GLI1: variants seen among roughly 807,000 people sequenced by gnomAD.
The protein encoded by GLI1 is GLI family zinc finger 1.
In GLI1, 51 loss-of-function variants were observed where a neutral mutation model predicts 87.8. The observed-to-expected ratio is 0.58, with a 90% CI of 0.46 to 0.73. The LOEUF (loss-of-function observed/expected upper bound fraction) is 0.73. Ranked by LOEUF, GLI1 falls within the 30% of genes least tolerant of loss-of-function variation. The probability of loss-of-function intolerance (pLI) is 0.00; values close to 1 mark genes in which losing one functional copy is unlikely to be tolerated. For synonymous variants in GLI1, 528 were observed against 558.2 expected (o/e 0.95, Z 0.76); for missense variants, 1,292 against 1,437.2 (o/e 0.90, Z 1.63).
At position 57,468,103 on chromosome 12, in the gene GLI1, G is replaced by A. The variant is rs754780184; in HGVS notation, c.1187G>A (p.Arg396Gln). The A allele has an allele frequency of 3.1e-6, 5 of 1,614,138 alleles. No individual in the cohort carries two copies. Among genetic ancestry groups the A allele is most frequent in the Non-Finnish European group, 4.2e-6 (5 of 1,179,980 alleles). Residue 396 changes from arginine (R) to glutamine (Q), a missense_variant, in exon 10 of 12, where the codon CGG becomes CAG. Arg to Gln is a conservative substitution (Grantham distance 43). Transcript: ENST00000228682. ...GGTCCTGACGCCCATGTGACCAAAC[G>A]GCACCGTGGGGATGGCCCCCTGCCT... ...VHGPDAHVTK[R>Q]HRGDGPLPRA...
intron 10 of GLI1, 36 bp downstream of exon 10, chr12:57,468,260 C>A: frequency 7.2e-7 from 1 of 1,391,792 alleles, no homozygotes; most frequent in Non-Finnish European, 1.0e-6. Context: ...CTCCATACCC[C>A]AGCCCACCCT....
Position 57,471,538 on chromosome 12 carries a change from G to C in GLI1, c.2798G>C (p.Gly933Ala), listed in dbSNP as rs2228224. Residue 933 changes from glycine (G) to alanine (A), a missense_variant, in exon 12 of 12, where the codon GGT becomes GCT. By Grantham distance (60) the Gly-to-Ala change is moderately conservative (BLOSUM62 0). Around this residue, in one of 3 missense-constraint regions of GLI1, gnomAD observed 897 missense variants for 1,040.7 expected, o/e 0.86. Coordinates refer to ENST00000228682, the MANE Select transcript of GLI1 (RefSeq NM_005269.3). This position sits in a 1 kb window ranked among gnomAD's most constrained non-coding sequence, Gnocchi z 4.9. ...TACCAGAGTCCCAAGTTTCTGGGGGGTTCCCAGGTTAGCCCAAGCCGTGCT... is the reference window on the plus strand; with the variant it reads ...TACCAGAGTCCCAAGTTTCTGGGGGCTTCCCAGGTTAGCCCAAGCCGTGCT... ...PSYQSPKFLG[G>A]SQVSPSRAKA... The C allele has an allele frequency of 6.2e-7, 1 of 1,612,578 alleles. No individual in the cohort carries two copies. The highest frequency in any genetic ancestry group is 1.3e-5 in the African/African-American group (1 of 74,850).
intron 7 of GLI1, 76 bp from the exon 8 acceptor site, chr12:57,466,164 G>T (rs576667607): frequency 2.8e-6 from 4 of 1,452,980 alleles, no homozygotes; most frequent in Admixed American, 3.9e-5. Flanking sequence ...AGAGGAACAG[G>T]GGGTGGAGGG....
rs1367515244 is a variant in GLI1 at position 57,470,715 on chromosome 12, A to C, written c.1975A>C (p.Ser659Arg). 1 of 1,612,642 alleles carries C rather than the reference A, an allele frequency of 6.2e-7. No homozygotes were observed. The highest frequency in any genetic ancestry group is 8.5e-7 in the Non-Finnish European group (1 of 1,179,352). ...TCCAGCTAGAGTCCAGAGGTTCAAG[A>C]GCCTGGGCTGTGTCCATACCCCACC... ...PAPARVQRFK[S>R]LGCVHTPPTV... Residue 659 changes from serine to arginine, a missense_variant, in exon 12 of 12, where the codon AGC becomes CGC. Physicochemically the swap from Ser to Arg is moderately radical, Grantham distance 110. Around this residue, in one of 3 missense-constraint regions of GLI1, gnomAD observed 897 missense variants for 1,040.7 expected, o/e 0.86. Coordinates refer to ENST00000228682, the MANE Select transcript of GLI1 (RefSeq NM_005269.3).
chr12:57,463,361 G>A (rs1466893062), intron 1 of GLI1, among the ~76,000 whole-genome samples: 1 of 152,180 alleles, frequency 6.6e-6, no homozygotes, highest in African/African-American at 2.4e-5. Flanking sequence ...GGGATTACAG[G>A]CACCCGCCAT....
intron 10 of GLI1, among the ~76,000 whole-genome samples, chr12:57,469,171 C>T (rs73119353): frequency 0.026 from 4,001 of 152,320 alleles, 75 homozygotes; most frequent in Non-Finnish European, 0.04. Context: ...GTTGAAGAAA[C>T]TCAGGCATAG....
At chr12:57,464,240 C>T (rs192820288) in intron 3 of GLI1, 149 bp downstream of exon 3, 100 of 660,062 alleles carry the variant, frequency 1.5e-4, no homozygotes, top group African/African-American at 7.2e-4. Flanking sequence ...CAGATGGGGC[C>T]GGGCGCGGTG....
chr12:57,470,921 T>C lies in GLI1; in HGVS notation c.2181T>C (p.Thr727=). Residue 727 remains threonine, a synonymous_variant, in exon 12 of 12, where the codon ACT becomes ACC. Coordinates refer to ENST00000228682, the MANE Select transcript of GLI1 (RefSeq NM_005269.3). ...GLNPYMDFPP[T]DTLGYGGPEG... ...ACCCCTATATGGACTTCCCACCTAC[T>C]GATACTCTGGGATATGGGGGACCTG... 1 of 1,613,988 alleles carries C rather than the reference T, an allele frequency of 6.2e-7. No individual in the cohort carries two copies. Among genetic ancestry groups the C allele is most frequent in the Non-Finnish European group, 8.5e-7 (1 of 1,179,916 alleles).
At position 57,470,545 on chromosome 12, in the gene GLI1, C is replaced by T. The variant is rs201538749; in HGVS notation, c.1805C>T (p.Ser602Leu). 1.1e-5 allele frequency: 18 copies of T among 1,614,046 alleles called. No homozygotes were observed. Among genetic ancestry groups the T allele is most frequent in the South Asian group, 3.3e-5 (3 of 91,078 alleles). The change falls in exon 12 of 12, where the codon TCG (serine) becomes TTG (leucine). Residue 602 changes from serine to leucine, a missense_variant. Around this residue, in one of 3 missense-constraint regions of GLI1, gnomAD observed 897 missense variants for 1,040.7 expected, o/e 0.86. Coordinates refer to ENST00000228682, the MANE Select transcript of GLI1 (RefSeq NM_005269.3). ...GCTTCAGCCAGAGGGGGTGGTACTT[C>T]GCCCACTGCAGCATCCAGCCTGGAT... is the stretch of plus-strand genomic sequence containing the variant. ...RYASARGGGT[S>L]PTAASSLDRI...
chr12:57,465,428 T>C (rs1463291878), intron 5 of GLI1, 173 bp downstream of exon 5: 3 of 738,000 alleles, frequency 4.1e-6, no homozygotes, highest in Non-Finnish European at 6.7e-6. Context: ...CGCTTCCAAA[T>C]GGGATCCCAC....
chr12:57,462,382 C>G (rs1047549499), intron 1 of GLI1, among the ~76,000 whole-genome samples: 2 of 152,068 alleles, frequency 1.3e-5, no homozygotes, highest in African/African-American at 2.4e-5. Flanking sequence ...CCGCCCTCAC[C>G]CTAAATCCCA....
chr12:57,461,267 G>A (rs1274475085), intron 1 of GLI1, among the ~76,000 whole-genome samples: 2 of 152,080 alleles, frequency 1.3e-5, no homozygotes, highest in Admixed American at 6.5e-5. Context: ...CGGTTTCCCG[G>A]GGGATATGTA....
Position 57,471,915 on chromosome 12 carries a change from C to T in GLI1, c.3175C>T (p.Leu1059=). The T allele has an allele frequency of 6.2e-7, 1 of 1,612,028 alleles. No individual in the cohort carries two copies. Among genetic ancestry groups the T allele is most frequent in the Non-Finnish European group, 8.5e-7 (1 of 1,178,898 alleles). ...FVAILDEPQG[L]SPPPSHDQRG... ...GGCTATTCTGGATGAGCCCCAGGGG[C>T]TGAGTCCTCCTCCTTCCCATGATCA... The change falls in exon 12 of 12, where the codon CTG becomes TTG. Residue 1059 remains leucine, a synonymous_variant. Transcript: ENST00000228682. The surrounding 1 kb of genome is among the most constrained non-coding windows in gnomAD (Gnocchi z 4.9).
At position 57,464,425 on chromosome 12, in the gene GLI1, G is replaced by A. The variant is rs576474849; in HGVS notation, c.194-248G>A. ...TAGTGCCGATTACAGGGGAGGCTGA[G>A]GCAGGAGAATCACTTGAACCTGGGA... On this transcript the variant is annotated intron_variant, in intron 3 of 11. Coordinates refer to ENST00000228682, the MANE Select transcript of GLI1 (RefSeq NM_005269.3). Among the ~76,000 whole-genome samples, 10 of 152,176 alleles carry A rather than the reference G, an allele frequency of 6.6e-5. 1 individual carries two copies. The South Asian group carries it at 2.1e-3, about 32-fold the overall frequency.
chr12:57,462,884 G>C (rs10876986), intron 1 of GLI1, among the ~76,000 whole-genome samples: 72,497 of 151,998 alleles, frequency 0.48, 19,629 homozygotes, highest in Middle Eastern at 0.7. Flanking sequence ...TCCCTGGGGA[G>C]GGGCACGAGA....
At position 57,466,349 on chromosome 12, in the gene GLI1, A is replaced by G; in HGVS notation, c.872A>G (p.His291Arg). ...PFKAQYMLVV[H>R]MRRHTGEKPH... ...AAAGCCCAGTACATGCTGGTGGTTC[A>G]CATGCGCAGACACACTGGCGAGAAG... The change falls in exon 8 of 12, where the codon CAC becomes CGC. Residue 291 changes from histidine to arginine, a missense_variant. His to Arg is a conservative substitution (Grantham distance 29, BLOSUM62 0). Around this residue, in one of 3 missense-constraint regions of GLI1, gnomAD observed 12 missense variants for 28.1 expected, o/e 0.43. Transcript: ENST00000228682. 1 of 1,613,988 alleles carries G rather than the reference A, an allele frequency of 6.2e-7. No individual in the cohort carries two copies. The highest frequency in any genetic ancestry group is 8.5e-7 in the Non-Finnish European group (1 of 1,179,896).
rs777293425 is a variant in GLI1, at chr12:57,471,720, C to T, written c.2980C>T (p.Pro994Ser). ...AGCAGCACCACCTCGACTTCTGCCC[C>T]CATTGCCCACTTGCTATGGGCCTCT... ...RAAAPPRLLP[P>S]LPTCYGPLKV... Residue 994 changes from proline (P) to serine (S), a missense_variant, in exon 12 of 12, where the codon CCA becomes TCA. Around this residue, in one of 3 missense-constraint regions of GLI1, gnomAD observed 897 missense variants for 1,040.7 expected, o/e 0.86. Coordinates refer to ENST00000228682, the MANE Select transcript of GLI1 (RefSeq NM_005269.3). This position sits in a 1 kb window ranked among gnomAD's most constrained non-coding sequence, Gnocchi z 4.9. 6 of 1,580,818 alleles carry T rather than the reference C, an allele frequency of 3.8e-6. No individual in the cohort carries two copies. The East Asian group carries it at 1.3e-4, about 35-fold the overall frequency.
At chr12:57,465,960 G>A in intron 7 of GLI1, 35 bp downstream of exon 7, 1 of 1,594,474 alleles carries the variant, frequency 6.3e-7, no homozygotes, top group South Asian at 1.1e-5. Context: ...TGGCTAGCCA[G>A]AACCTTTAGG....
Position 57,465,536 on chromosome 12 carries a change from G to A in GLI1, c.535-71G>A. 3 of 1,277,228 alleles carry A rather than the reference G, an allele frequency of 2.3e-6. 1 individual carries two copies. The South Asian group carries it at 3.8e-5, about 16-fold the overall frequency. 79.1% of individuals were successfully genotyped at this position (1,277,228 alleles called of 1,614,324 possible). A position where few individuals can be genotyped will look rare whatever the true frequency, so the allele number is the denominator to read the frequency against. ...TGGGTGGGGGCACTTAGGGCAGGAA[G>A]ACCTGGCTTGGTTTCCTCTTCCTTC... is the stretch of plus-strand genomic sequence containing the variant. On this transcript the variant is annotated intron_variant, in intron 5 of 11. Transcript: ENST00000228682.
Sources: allele counts gnomAD v4.1 joint callset (sites outside exome capture counted in the v4.1 genomes callset), GRCh38; gene constraint gnomAD v4.1.1; regional missense constraint gnomAD v4.1.1; non-coding constraint Gnocchi (gnomAD v3.1); transcripts MANE v1.5; gene names NCBI Gene and HGNC (gene_info 2026-07-23, HGNC 2026-07-21).